Variants in MED12 observed in about 807,000 individuals in gnomAD.
MED12 encodes the protein mediator of RNA polymerase II transcription subunit 12.
A neutral mutation model predicts 177.7 loss-of-function variants in MED12; 10 were observed. The observed-to-expected ratio is 0.06, with a 90% CI of 0.03 to 0.10. The LOEUF is 0.10. MED12 is among the 10% of genes least tolerant of loss of function. The pLI is 1.00. For missense variants in MED12, 867 were observed against 1,780.8 expected, an observed-to-expected ratio of 0.49 and a Z score of 9.23; for synonymous variants, 641 against 678.4, an observed-to-expected ratio of 0.94 and a Z score of 0.86.
rs2092293157 is a variant in MED12 at position 71,122,885 on chromosome X, A to G, written c.1485+11A>G. The G allele has an allele frequency of 4.1e-6, 5 of 1,209,823 alleles. No homozygotes were observed. On this transcript the variant is annotated intron_variant, in intron 10 of 44. Transcript: ENST00000374080. ...AAGGATGGGCATGAGGTAAGCGAAA[A>G]GGGGAATAGAAGGAGCAAAAAACAT...
At chrX:71,119,962 G>C in intron 3 of MED12, 52 bp from the exon 4 acceptor site, 4 of 1,206,881 alleles carry the variant, frequency 3.3e-6, no homozygotes, top group Non-Finnish European at 4.5e-6. Flanking sequence ...AGCTACATGG[G>C]TGTCAGCTCA....
rs763136667 is a variant in MED12, at chrX:71,136,550, G to C, written c.5295G>C (p.Glu1765Asp). Residue 1765 changes from glutamate to aspartate, a missense_variant, in exon 37 of 45, where the codon GAG (glutamate) becomes GAC (aspartate). Glu to Asp is a conservative substitution (Grantham distance 45). This residue lies in a region of MED12 where 236 missense variants were observed against 345.2 expected (regional missense o/e 0.68). Transcript: ENST00000374080. ...TLLEPEKKAP[E>D]PPKTDKPGAA... is the part of the protein sequence containing the mutation. Reference sequence around the variant, plus strand: ...TAGAGCCTGAGAAAAAGGCTCCAGAGCCCCCCAAAACTGACAAACCGGGGG... The same window carrying C: ...TAGAGCCTGAGAAAAAGGCTCCAGACCCCCCCAAAACTGACAAACCGGGGG... 3 of 1,197,902 alleles carry C rather than the reference G, an allele frequency of 2.5e-6. No individual in the cohort carries two copies. The highest frequency in any genetic ancestry group is 2.3e-5 in the Admixed American group (1 of 43,833).
rs886039139 is a variant in MED12 at position 71,127,893 on chromosome X, C to T, written c.2982C>T (p.Ser994=). 11 of 1,203,084 alleles carry T rather than the reference C, an allele frequency of 9.1e-6. No homozygotes were observed. The highest frequency in any genetic ancestry group is 9.0e-6 in the Non-Finnish European group (8 of 889,499). The change falls in exon 22 of 45, where the codon AGC becomes AGT. Residue 994 remains serine (S), a splice_region_variant and synonymous_variant. Transcript: ENST00000374080. ...TATCTCCTTTCCTCCATCCCTGCAG[C>T]GACTTTTGCTCAAAGGTGAAGAACA... The part of the protein sequence containing the change: ...HLKNKFGELF[S]DFCSKVKNTI...
intron 31 of MED12, 66 bp downstream of exon 31, chrX:71,132,604 G>C (rs910320405): frequency 4.1e-5 from 45 of 1,107,953 alleles, no homozygotes; most frequent in African/African-American, 9.2e-5. Context: ...GCCCGGGGAA[G>C]AATAAAATGG....
In MED12 at chrX:71,141,968, A is replaced by AGCCT. The variant is rs1163925587; in HGVS notation, c.6490+13_6490+16dup. On this transcript the variant is annotated splice_donor_region_variant and intron_variant, in intron 44 of 44. Coordinates refer to ENST00000374080, the MANE Select transcript of MED12 (RefSeq NM_005120.3). Reference sequence around the variant, plus strand: ...CAACTTCAACAACAGCTCTCTAGTAAGCCTGCCTGCCTTCCCAAGGAGAAC... The same window carrying AGCCT: ...CAACTTCAACAACAGCTCTCTAGTAAGCCTGCCTGCCTGCCTTCCCAAGGAGAAC... 1 of 1,210,305 alleles carries AGCCT rather than the reference A, an allele frequency of 8.3e-7. No homozygotes were observed. The highest frequency in any genetic ancestry group is 2.2e-5 in the Admixed American group (1 of 45,964).
Position 71,136,016 on chromosome X carries a change from C to T in MED12, c.5026-265C>T, listed in dbSNP as rs1476445746. On this transcript the variant is annotated intron_variant, in intron 36 of 44. Transcript: ENST00000374080. ...TCTCTCCCGATCTTCTCTCCCCACA[C>T]GCCCCCCGCCCCGTTAGTTCATCTC... Among the ~76,000 whole-genome samples, 7 of 107,764 alleles carry T rather than the reference C, an allele frequency of 6.5e-5. No individual in the cohort carries two copies. In the East Asian group the frequency reaches 1.5e-3, roughly 23 times the overall value. 93.6% of individuals were successfully genotyped at this position (107,764 alleles called of 115,157 possible).
At chrX:71,127,490 G>A (rs1290452026) in intron 21 of MED12, 23 bp downstream of exon 21, 5 of 1,188,010 alleles carry the variant, frequency 4.2e-6, no homozygotes, top group Admixed American at 4.4e-5. Flanking sequence ...GAAGGTAAGG[G>A]GTAGCGAGTG....
intron 20 of MED12, 96 bp downstream of exon 20, chrX:71,127,228 C>T: frequency 8.7e-7 from 1 of 1,147,703 alleles, no homozygotes; most frequent in South Asian, 1.9e-5. Flanking sequence ...TCTGGGGAAG[C>T]ACCTGCTGCT....
intron 15 of MED12, 33 bp from the exon 16 acceptor site, chrX:71,125,318 G>T (rs775192766): frequency 9.1e-6 from 11 of 1,210,239 alleles, no homozygotes; most frequent in Non-Finnish European, 1.2e-5. Context: ...AAGGAGATCG[G>T]TGCTGGAGTC....
At chrX:71,128,945 C>G in intron 24 of MED12, 169 bp from the exon 25 acceptor site, 1 of 556,639 alleles carries the variant, frequency 1.8e-6, no homozygotes, top group African/African-American at 2.2e-5. Flanking sequence ...CGTAACAGTT[C>G]TCTGCTCTAC....
At chrX:71,127,583 G>A in intron 21 of MED12, 116 bp downstream of exon 21, 1 of 654,252 alleles carries the variant, frequency 1.5e-6, no homozygotes, top group Admixed American at 2.4e-5. Context: ...AGGGTCATTT[G>A]TGGACTGTGT....
chrX:71,129,917 G>A (rs776185526), intron 27 of MED12, 62 bp downstream of exon 27: 1 of 1,189,117 alleles, frequency 8.4e-7, no homozygotes, highest in South Asian at 1.8e-5. Flanking sequence ...TCTGTTTCCA[G>A]CCCATGATCA....
Position 71,126,170 on chromosome X carries a change from C to T in MED12, c.2541+16C>T. The T allele has an allele frequency of 8.5e-7, 1 of 1,175,982 alleles. No individual in the cohort carries two copies. The highest frequency in any genetic ancestry group is 1.2e-6 in the Non-Finnish European group (1 of 862,536). On this transcript the variant is annotated intron_variant, in intron 18 of 44. Transcript: ENST00000374080. ...CACGGCTCAGGTGTGGGCCTAAGCC[C>T]AGCCCCTTTCCCACATTCTGGCCTC...
rs1277183602 is a variant in MED12 at position 71,136,563 on chromosome X, G to A, written c.5308G>A (p.Asp1770Asn). ...AAAGGCTCCAGAGCCCCCCAAAACT[G>A]ACAAACCGGGGGCTGCTCCACCCAG... ...EKKAPEPPKT[D>N]KPGAAPPSTE... The change falls in exon 37 of 45, where the codon GAC (aspartate) becomes AAC (asparagine). Residue 1770 changes from aspartate (D) to asparagine (N), a missense_variant. Asp to Asn is a conservative substitution (Grantham distance 23, BLOSUM62 1). Around this residue, in one of 14 missense-constraint regions of MED12, gnomAD observed 236 missense variants for 345.2 expected, o/e 0.68. Coordinates refer to ENST00000374080, the MANE Select transcript of MED12 (RefSeq NM_005120.3). 8.4e-7 allele frequency: 1 copy of A among 1,196,377 alleles called. No homozygotes were observed. Among genetic ancestry groups the A allele is most frequent in the African/African-American group, 1.8e-5 (1 of 56,491 alleles).
intron 44 of MED12, 58 bp from the exon 45 acceptor site, chrX:71,142,117 G>T: frequency 3.5e-6 from 4 of 1,157,920 alleles, no homozygotes; most frequent in Non-Finnish European, 4.7e-6. Flanking sequence ...AGCTTTCCTC[G>T]TGCATACCCA....
Position 71,134,908 on chromosome X carries a change from G to A in MED12, c.4863+60G>A, listed in dbSNP as rs778660597. 1.0e-5 allele frequency: 12 copies of A among 1,201,740 alleles called. 1 individual carries two copies. The highest frequency in any genetic ancestry group is 5.9e-5 in the East Asian group (2 of 33,704). Reference sequence around the variant, plus strand: ...ACTGGAATCTGCTGTCCAGCCTCAGGAACTTGCTTCTGGCTGGAGCCCTCT... The same window carrying A: ...ACTGGAATCTGCTGTCCAGCCTCAGAAACTTGCTTCTGGCTGGAGCCCTCT... On this transcript the variant is annotated intron_variant, in intron 35 of 44. Transcript: ENST00000374080.
intron 29 of MED12, among the ~76,000 whole-genome samples, chrX:71,131,855 C>T (rs2147812562): frequency 9.0e-6 from 1 of 110,703 alleles, no homozygotes; most frequent in South Asian, 3.8e-4. Context: ...GTTTCTCTGG[C>T]CATAGATGTA....
intron 41 of MED12, among the ~76,000 whole-genome samples, chrX:71,138,213 G>C (rs916945999): frequency 8.9e-6 from 1 of 112,003 alleles, no homozygotes; most frequent in Non-Finnish European, 1.9e-5. Context: ...TGGGCTGGGT[G>C]TGGTAGCTCA....
At position 71,142,215 on chromosome X, in the gene MED12, C is replaced by T; in HGVS notation, c.6531C>T (p.Tyr2177=). Residue 2177 remains tyrosine, a synonymous_variant, in exon 45 of 45, where the codon TAC becomes TAT. Transcript: ENST00000374080. Reference sequence around the variant, plus strand: ...CCAGTACCAACATATTTGGACGCTACTGAGCCACCTGGAGGAACTGCTTGT... The same window carrying T: ...CCAGTACCAACATATTTGGACGCTATTGAGCCACCTGGAGGAACTGCTTGT... ...PQPSTNIFGR[Y] is the part of the protein sequence containing the mutation. 4.1e-6 allele frequency: 5 copies of T among 1,210,487 alleles called. No homozygotes were observed. The highest frequency in any genetic ancestry group is 5.6e-6 in the Non-Finnish European group (5 of 894,153).
Sources: allele counts gnomAD v4.1 joint callset (sites outside exome capture counted in the v4.1 genomes callset), GRCh38; gene constraint gnomAD v4.1.1; regional missense constraint gnomAD v4.1.1; transcripts MANE v1.5; gene names NCBI Gene and HGNC (gene_info 2026-07-23, HGNC 2026-07-21).